The following LANCL1 variants were observed in gnomAD, a reference collection of about 807,000 sequenced individuals.
LANCL1 encodes LanC like glutathione S-transferase 1, also known as glutathione S-transferase LANCL1.
In LANCL1, 50 loss-of-function variants were observed where a neutral mutation model predicts 50.6. That is an observed-to-expected ratio of 0.99 (90% CI 0.79 to 1.25). The LOEUF (loss-of-function observed/expected upper bound fraction) is 1.25, where lower values mean the gene tolerates loss of function less well. Ranked by LOEUF, LANCL1 falls within the 50% of genes most tolerant of loss-of-function variation. The probability of loss-of-function intolerance (pLI) is 0.00; values close to 1 mark genes in which losing one functional copy is unlikely to be tolerated. For missense variants in LANCL1, 532 were observed against 480.7 expected (o/e 1.11, Z -1.00); for synonymous variants, 188 against 178.6 (o/e 1.05, Z -0.42).
intron 3 of LANCL1, among the ~76,000 whole-genome samples, chr2:210,465,530 G>A (rs1291857950): frequency 1.3e-5 from 2 of 152,188 alleles, no homozygotes; most frequent in African/African-American, 4.8e-5. Flanking sequence ...AGTTACAGCA[G>A]CAGGCACAAA....
At chr2:210,457,399 C>T (rs1044606346) in intron 3 of LANCL1, among the ~76,000 whole-genome samples, 1 of 152,012 alleles carries the variant, frequency 6.6e-6, no homozygotes, top group Non-Finnish European at 1.5e-5. Flanking sequence ...TCTTTATGGT[C>T]CTCAACTGTT....
At chr2:210,461,908 T>C (rs567079129) in intron 3 of LANCL1, among the ~76,000 whole-genome samples, 3 of 152,234 alleles carry the variant, frequency 2.0e-5, no homozygotes, top group Non-Finnish European at 4.4e-5. Flanking sequence ...TTTTCTACTA[T>C]GTTATCTGCA....
intron 3 of LANCL1, among the ~76,000 whole-genome samples, chr2:210,464,853 C>T (rs1693991268): frequency 6.7e-6 from 1 of 150,330 alleles, no homozygotes; most frequent in African/African-American, 2.5e-5. Flanking sequence ...GTAGTCCCAG[C>T]TACTCGGGAG....
chr2:210,473,553 T>C (rs557050739), intron 2 of LANCL1, among the ~76,000 whole-genome samples: 13 of 152,298 alleles, frequency 8.5e-5, no homozygotes, highest in African/African-American at 3.1e-4. Context: ...GTAAGGATTG[T>C]AGAAATAAAC....
At position 210,432,749 on chromosome 2, in the gene LANCL1, T is replaced by C. The variant is rs1692789660; in HGVS notation, c.*1738A>G. The C allele has an allele frequency of 6.6e-6, 1 of 152,168 alleles. No individual in the cohort carries two copies. Among genetic ancestry groups the C allele is most frequent in the Non-Finnish European group, 1.5e-5 (1 of 68,034 alleles). 9.4% of individuals were successfully genotyped at this position (152,168 alleles called of 1,614,324 possible). ...TAGCTTTGCTGTGCACTACTTTTAC[T>C]TCTTACTGTAAGTGCTGATATCGCT... On this transcript the variant is annotated 3_prime_UTR_variant, in exon 10 of 10. Coordinates refer to ENST00000450366, the MANE Select transcript of LANCL1 (RefSeq NM_006055.3).
At chr2:210,440,472 A>G in intron 6 of LANCL1, 126 bp downstream of exon 6, 2 of 864,878 alleles carry the variant, frequency 2.3e-6, no homozygotes, top group South Asian at 2.3e-5. Context: ...AAGTAATTAC[A>G]AGGAGAGTAC....
At chr2:210,435,798 A>G (rs753933365) in intron 8 of LANCL1, among the ~76,000 whole-genome samples, 5 of 152,118 alleles carry the variant, frequency 3.3e-5, no homozygotes, top group Non-Finnish European at 7.4e-5. Context: ...TTTTCCTTAA[A>G]TAACTGTATT....
intron 6 of LANCL1, among the ~76,000 whole-genome samples, chr2:210,438,137 T>C (rs1465646779): frequency 1.0e-4 from 15 of 148,878 alleles, no homozygotes; most frequent in Non-Finnish European, 1.5e-4. Context: ...TTCTTTCTTT[T>C]TTTTTTTTTT....
At chr2:210,471,525 T>C in intron 3 of LANCL1, 2 of 457,074 alleles carry the variant, frequency 4.4e-6, no homozygotes, top group South Asian at 1.6e-5. Flanking sequence ...GATTCCTGTA[T>C]GGATTCCTGT....
intron 3 of LANCL1, among the ~76,000 whole-genome samples, chr2:210,457,753 CT>C (rs1693713535): frequency 1.3e-5 from 2 of 152,066 alleles, no homozygotes; most frequent in Non-Finnish European, 2.9e-5. Flanking sequence ...TAATAATATG[CT>C]TATGTGCTAT....
chr2:210,455,325 A>G lies in LANCL1; in HGVS notation c.200-11T>C. 6.3e-7 allele frequency: 1 copy of G among 1,596,340 alleles called. No individual in the cohort carries two copies. Among genetic ancestry groups the G allele is most frequent in the African/African-American group, 1.4e-5 (1 of 73,776 alleles). Reference sequence around the variant, plus strand: ...AAAGCACAGCAATACCTGAAAAAAAAAAAAGGAAACAATGTAAAGATGAGG... The same window carrying G: ...AAAGCACAGCAATACCTGAAAAAAAGAAAAGGAAACAATGTAAAGATGAGG... On this transcript the variant is annotated splice_polypyrimidine_tract_variant and intron_variant, in intron 3 of 9. Coordinates refer to ENST00000450366, the MANE Select transcript of LANCL1 (RefSeq NM_006055.3).
intron 2 of LANCL1, among the ~76,000 whole-genome samples, chr2:210,475,367 G>A (rs1694326323): frequency 3.3e-5 from 5 of 152,098 alleles, no homozygotes; most frequent in African/African-American, 1.2e-4. Flanking sequence ...CAGGGTCTCT[G>A]TCACCCAGGC....
rs1185637723 is a variant in LANCL1 at position 210,433,018 on chromosome 2, AC to A, written c.*1468del. ...TAATAGGAGACTGCTACCTGCAGGAACCAGTACACACTCAGTGGGGATTTGG... is the reference window on the plus strand; with the variant it reads ...TAATAGGAGACTGCTACCTGCAGGAACAGTACACACTCAGTGGGGATTTGG... On this transcript the variant is annotated 3_prime_UTR_variant, in exon 10 of 10. Coordinates refer to ENST00000450366, the MANE Select transcript of LANCL1 (RefSeq NM_006055.3). 1.3e-5 allele frequency: 2 copies of A among 152,662 alleles called. No homozygotes were observed. The highest frequency in any genetic ancestry group is 2.9e-5 in the Non-Finnish European group (2 of 68,042). 9.5% of individuals were successfully genotyped at this position (152,662 alleles called of 1,614,324 possible).
chr2:210,471,649 A>G (rs764484230), intron 3 of LANCL1: 6 of 516,746 alleles, frequency 1.2e-5, no homozygotes, highest in South Asian at 9.2e-5. Flanking sequence ...CTTCCCACTG[A>G]AATTACATCT....
chr2:210,463,527 T>G (rs1017672792), intron 3 of LANCL1, among the ~76,000 whole-genome samples: 1 of 152,166 alleles, frequency 6.6e-6, no homozygotes, highest in African/African-American at 2.4e-5. Flanking sequence ...CCACGAAGAG[T>G]GTTTTAATCT....
intron 4 of LANCL1, among the ~76,000 whole-genome samples, chr2:210,444,872 A>C (rs1171220863): frequency 6.6e-6 from 1 of 152,032 alleles, no homozygotes; most frequent in Non-Finnish European, 1.5e-5. Flanking sequence ...CACTCCCTTA[A>C]TTTTTAAAAG....
At position 210,440,658 on chromosome 2, in the gene LANCL1, G is replaced by T. The variant is rs769921799; in HGVS notation, c.630C>A (p.Tyr210Ter). The stretch of plus-strand genomic sequence containing the variant: ...GAGCAGCCCCTACATAATATTCCTG[G>T]TACCATTCATACATCAGTGGAGACT... Reference protein sequence around the residue: ...TAKSPLMYEWYQEYYVGAAHG... With the variant: ...TAKSPLMYEW Residue 210 changes from tyrosine to a stop codon, truncating the protein, a stop_gained, in exon 6 of 10, where the codon TAC becomes TAA. Coordinates refer to ENST00000450366, the MANE Select transcript of LANCL1 (RefSeq NM_006055.3). LOFTEE classifies it high-confidence loss of function. 9.9e-6 allele frequency: 16 copies of T among 1,613,878 alleles called. No individual in the cohort carries two copies. Among genetic ancestry groups the T allele is most frequent in the Non-Finnish European group, 1.3e-5 (15 of 1,179,850 alleles).
chr2:210,455,964 T>G (rs532030345), intron 3 of LANCL1, among the ~76,000 whole-genome samples: 22 of 152,136 alleles, frequency 1.4e-4, no homozygotes, highest in Non-Finnish European at 2.5e-4. Context: ...CCTACTTTGG[T>G]AAATGTAATG....
chr2:210,460,303 A>G (rs1283635719), intron 3 of LANCL1, among the ~76,000 whole-genome samples: 4 of 152,118 alleles, frequency 2.6e-5, no homozygotes, highest in Non-Finnish European at 5.9e-5. Context: ...CAGATTTTAG[A>G]TCTACAAGGC....
Sources: allele counts gnomAD v4.1 joint callset (sites outside exome capture counted in the v4.1 genomes callset), GRCh38; gene constraint gnomAD v4.1.1; transcripts MANE v1.5; gene names NCBI Gene and HGNC (gene_info 2026-07-23, HGNC 2026-07-21).